TICRR: variants seen among roughly 807,000 people sequenced by gnomAD.
TICRR encodes treslin.
In TICRR, 132 loss-of-function variants were observed where a neutral mutation model predicts 178.1. The ratio of observed to expected loss-of-function variants is 0.74; its 90% CI spans 0.64 to 0.86. The LOEUF is 0.86. Among genes scored for constraint, TICRR ranks in the 40% least tolerant of loss-of-function variants. The pLI is 0.00. For synonymous variants in TICRR, 991 were observed against 900.7 expected (o/e 1.10, Z -1.79); for missense variants, 2,587 against 2,334.3 (o/e 1.11, Z -2.23).
intron 4 of TICRR, among the ~76,000 whole-genome samples, chr15:89,590,026 C>T (rs1173441160): frequency 6.6e-6 from 1 of 152,028 alleles, no homozygotes; most frequent in Non-Finnish European, 1.5e-5. Context: ...AAGTAAAGTC[C>T]ATAATAAATA....
chr15:89,592,132 C>T lies in TICRR; in HGVS notation c.1497C>T (p.Phe499=). The T allele has an allele frequency of 6.2e-7, 1 of 1,613,156 alleles. No individual in the cohort carries two copies. Among genetic ancestry groups the T allele is most frequent in the African/African-American group, 1.3e-5 (1 of 75,058 alleles). Residue 499 remains phenylalanine (F), a synonymous_variant, in exon 5 of 22, where the codon TTC becomes TTT. Transcript: ENST00000268138. The part of the protein sequence containing the change: ...SPAVVEKWFP[F]CNISGASSDL... ...CTGTTGTGGAAAAGTGGTTTCCTTTCTGTAACATCAGTGGTGCCAGTTCCG... is the reference window on the plus strand; with the variant it reads ...CTGTTGTGGAAAAGTGGTTTCCTTTTTGTAACATCAGTGGTGCCAGTTCCG...
intron 7 of TICRR, among the ~76,000 whole-genome samples, chr15:89,595,850 G>A (rs1034749149): frequency 4.6e-5 from 7 of 152,140 alleles, no homozygotes; most frequent in East Asian, 3.9e-4. Flanking sequence ...GAGACAGAGC[G>A]AGACTCTGTC....
At chr15:89,578,756 T>C (rs1000861407) in intron 1 of TICRR, among the ~76,000 whole-genome samples, 3 of 152,090 alleles carry the variant, frequency 2.0e-5, no homozygotes, top group Non-Finnish European at 2.9e-5. Flanking sequence ...GGATGGGTCA[T>C]CTCTGAGGCT....
In TICRR at chr15:89,625,783, T is replaced by C. The variant is rs780551698; in HGVS notation, c.5473T>C (p.Ser1825Pro). Residue 1825 changes from serine (S) to proline (P), a missense_variant, in exon 20 of 22, where the codon TCC becomes CCC. Physicochemically the swap from Ser to Pro is moderately conservative, Grantham distance 74. Transcript: ENST00000268138. ...CACGGGAGACGAAGAGGTGTTTGTT[T>C]CCGGTGAGTTCGTTTTTGAAACCCA... ...PSTGDEEVFV[S>P]GSTPPPSCAV... 5.5e-5 allele frequency: 87 copies of C among 1,593,790 alleles called. 1 individual carries two copies. The South Asian group carries it at 6.9e-4, about 13-fold the overall frequency.
At chr15:89,578,118 C>A (rs911291906) in intron 1 of TICRR, among the ~76,000 whole-genome samples, 3 of 151,944 alleles carry the variant, frequency 2.0e-5, no homozygotes, top group African/African-American at 7.3e-5. Context: ...CAGGAGAGGC[C>A]GATCTGTAGG....
At chr15:89,600,266 CACGGA>C in intron 8 of TICRR, among the ~76,000 whole-genome samples, 1 of 152,308 alleles carries the variant, frequency 6.6e-6, no homozygotes, top group African/African-American at 2.4e-5. Flanking sequence ...CAGTGGCCAT[CACGGA>C]GCTCCTTCTC....
At chr15:89,592,719 A>G (rs1020232802) in intron 5 of TICRR, among the ~76,000 whole-genome samples, 1 of 152,242 alleles carries the variant, frequency 6.6e-6, no homozygotes, top group Non-Finnish European at 1.5e-5. Flanking sequence ...AAAATAATCT[A>G]TAGCAAGATC....
At position 89,595,589 on chromosome 15, in the gene TICRR, A is replaced by G. The variant is rs768635648; in HGVS notation, c.1878A>G (p.Thr626=). ...TVDKLEDRGR[T]LRSSKPKDFK... ...ATAAATTGGAAGACAGAGGAAGAACACTAAGAAGTTCTAAACCTAAAGGTA... is the reference window on the plus strand; with the variant it reads ...ATAAATTGGAAGACAGAGGAAGAACGCTAAGAAGTTCTAAACCTAAAGGTA... Residue 626 remains threonine, a synonymous_variant, in exon 7 of 22, where the codon ACA becomes ACG. Coordinates refer to ENST00000268138, the MANE Select transcript of TICRR (RefSeq NM_152259.4). 5.6e-6 allele frequency: 9 copies of G among 1,613,886 alleles called. No individual in the cohort carries two copies. Among genetic ancestry groups the G allele is most frequent in the African/African-American group, 1.3e-5 (1 of 74,944 alleles).
Position 89,585,775 on chromosome 15 carries a change from G to A in TICRR, c.1244G>A (p.Ser415Asn), listed in dbSNP as rs112376978. 8.1e-6 allele frequency: 13 copies of A among 1,614,190 alleles called. No homozygotes were observed. In the African/African-American group the frequency reaches 1.3e-4, roughly 17 times the overall value. Residue 415 changes from serine (S) to asparagine (N), a missense_variant, in exon 4 of 22, where the codon AGT becomes AAT. Transcript: ENST00000268138. ...GGAGTTATTTCCCCACTCTCTGCCA[G>A]TGCTATGATCCTCACTGTGTGCCGC... ...ITGVISPLSASAMILTVCRTK... is the reference protein window; with the variant it reads ...ITGVISPLSANAMILTVCRTK...
At chr15:89,576,681 C>T (rs1347309645) in intron 1 of TICRR, among the ~76,000 whole-genome samples, 3 of 151,974 alleles carry the variant, frequency 2.0e-5, no homozygotes, top group African/African-American at 4.8e-5. Flanking sequence ...AATTGCCATA[C>T]ACATTTTGTG....
intron 18 of TICRR, among the ~76,000 whole-genome samples, chr15:89,620,879 C>G (rs978062561): frequency 6.6e-6 from 1 of 151,924 alleles, no homozygotes; most frequent in Non-Finnish European, 1.5e-5. Context: ...CCCGCCACCA[C>G]GCCCAGCTAA....
intron 13 of TICRR, among the ~76,000 whole-genome samples, chr15:89,603,393 A>G (rs1963126934): frequency 6.6e-6 from 1 of 152,194 alleles, no homozygotes; most frequent in Non-Finnish European, 1.5e-5. Flanking sequence ...CCTGGACAAC[A>G]TAGCGAGACC....
intron 1 of TICRR, among the ~76,000 whole-genome samples, chr15:89,579,340 T>G (rs1374890465): frequency 6.6e-6 from 1 of 152,068 alleles, no homozygotes; most frequent in Non-Finnish European, 1.5e-5. Flanking sequence ...GTATACTGTT[T>G]GTATTTTTGT....
chr15:89,585,713 T>C lies in TICRR; in HGVS notation c.1182T>C (p.Ala394=). Reference sequence around the variant, plus strand: ...AATTAGGGCTTCTCACGTAGGTTGCTGATGTGGACCCTGGTGAAGGCCGGC... The same window carrying C: ...AATTAGGGCTTCTCACGTAGGTTGCCGATGTGGACCCTGGTGAAGGCCGGC... ...RLTAEELHLV[A]DVDPGEGRPP... is the part of the protein sequence containing the mutation. The change falls in exon 4 of 22, where the codon GCT becomes GCC. Residue 394 remains alanine (A), a synonymous_variant. Transcript: ENST00000268138. 1 of 1,613,736 alleles carries C rather than the reference T, an allele frequency of 6.2e-7. No homozygotes were observed. The highest frequency in any genetic ancestry group is 8.5e-7 in the Non-Finnish European group (1 of 1,179,614).
intron 16 of TICRR, among the ~76,000 whole-genome samples, chr15:89,617,076 C>G (rs1963346748): frequency 6.6e-6 from 1 of 152,162 alleles, no homozygotes; most frequent in South Asian, 2.1e-4. Flanking sequence ...AGCTAGCTCA[C>G]TGCCCTCCTC....
intron 4 of TICRR, among the ~76,000 whole-genome samples, chr15:89,589,124 C>T (rs527897049): frequency 2.0e-5 from 3 of 152,108 alleles, no homozygotes; most frequent in East Asian, 1.9e-4. Flanking sequence ...GAGGATTTTA[C>T]GTGTGGAAGG....
chr15:89,626,594 G>A (rs749868193), intron 21 of TICRR, among the ~76,000 whole-genome samples: 3 of 152,136 alleles, frequency 2.0e-5, no homozygotes, highest in Non-Finnish European at 4.4e-5. Flanking sequence ...AAGGGGGAGT[G>A]CAGGAGGAGG....
In TICRR at chr15:89,621,442, T is replaced by G. The variant is rs768987115; in HGVS notation, c.3204T>G (p.Leu1068=). ...AAAGTATTCGGTCTCCCAAGAGTCTTCTTTTTGGGGCAATGTCTGAGATGA... is the reference window on the plus strand; with the variant it reads ...AAAGTATTCGGTCTCCCAAGAGTCTGCTTTTTGGGGCAATGTCTGAGATGA... ...PVQSIRSPKS[L]LFGAMSEMIS... The change falls in exon 19 of 22, where the codon CTT becomes CTG. Residue 1068 remains leucine, a synonymous_variant. Coordinates refer to ENST00000268138, the MANE Select transcript of TICRR (RefSeq NM_152259.4). 2.5e-6 allele frequency: 4 copies of G among 1,613,892 alleles called. No individual in the cohort carries two copies. The highest frequency in any genetic ancestry group is 3.4e-6 in the Non-Finnish European group (4 of 1,179,974).
At position 89,599,435 on chromosome 15, in the gene TICRR, T is replaced by C; in HGVS notation, c.2012T>C (p.Val671Ala). ...YACARNMIST[V>A]KMFLKSKGTK... ...TGTGCTCGAAACATGATCTCAACCG[T>C]TAAAATGTTCCTAAAATCAAAAGGC... The change falls in exon 8 of 22, where the codon GTT becomes GCT. Residue 671 changes from valine (V) to alanine (A), a missense_variant. Coordinates refer to ENST00000268138, the MANE Select transcript of TICRR (RefSeq NM_152259.4). The C allele has an allele frequency of 6.2e-7, 1 of 1,613,520 alleles. No individual in the cohort carries two copies. Among genetic ancestry groups the C allele is most frequent in the Non-Finnish European group, 8.5e-7 (1 of 1,179,808 alleles).
Sources: gnomAD v4.1 joint callset for allele counts (sites outside exome capture counted in the v4.1 genomes callset) on GRCh38, gnomAD v4.1.1 for gene constraint, MANE v1.5 for transcripts, NCBI Gene and HGNC (gene_info 2026-07-23, HGNC 2026-07-21) for gene names.